The following INO80D variants were observed in gnomAD, a reference collection of about 807,000 sequenced individuals.
INO80D encodes INO80 complex subunit D.
In INO80D, 21 loss-of-function variants were observed where a neutral mutation model predicts 87.6. The observed-to-expected ratio is 0.24, with a 90% CI of 0.17 to 0.35. The LOEUF (loss-of-function observed/expected upper bound fraction) is 0.35, where lower values mean the gene tolerates loss of function less well. Ranked by LOEUF, INO80D falls within the 10% of genes least tolerant of loss-of-function variation. INO80D has a pLI of 1.00. For missense variants in INO80D, 982 were observed against 1,280.7 expected, an observed-to-expected ratio of 0.77 and a Z score of 3.56; for synonymous variants, 440 against 491.0, an observed-to-expected ratio of 0.90 and a Z score of 1.37.
chr2:206,007,279 T>G lies in INO80D; in HGVS notation c.1918+5A>C. On this transcript the variant is annotated splice_donor_5th_base_variant and intron_variant, in intron 10 of 10. Coordinates refer to ENST00000403263, the MANE Select transcript of INO80D (RefSeq NM_017759.5). ...AGTTTCCTTGAGTCAAAATATTGACTATACCTTCAAAAAAATCAAAATCTT... is the reference window on the plus strand; with the variant it reads ...AGTTTCCTTGAGTCAAAATATTGACGATACCTTCAAAAAAATCAAAATCTT... 6.2e-7 allele frequency: 1 copy of G among 1,612,394 alleles called. No individual in the cohort carries two copies. Among genetic ancestry groups the G allele is most frequent in the Non-Finnish European group, 8.5e-7 (1 of 1,179,370 alleles).
chr2:206,013,500 C>G (rs941860404), intron 8 of INO80D, among the ~76,000 whole-genome samples: 1 of 147,504 alleles, frequency 6.8e-6, no homozygotes. Context: ...TGCAGTGAGC[C>G]GAGATCTCAC....
chr2:206,076,272 A>C lies in INO80D; in HGVS notation c.-124+9629T>G, dbSNP rs1170535975. Among the ~76,000 whole-genome samples the C allele has an allele frequency of 2.6e-5, 4 of 152,370 alleles. No individual in the cohort carries two copies. In the East Asian group the frequency reaches 7.7e-4, roughly 29 times the overall value. On this transcript the variant is annotated intron_variant, in intron 1 of 10. Transcript: ENST00000403263. Reference sequence around the variant, plus strand: ...TTTTCCAATATACTTAATGCAAATGAAAAGAATATTTACTTATCCCAGAAA... The same window carrying C: ...TTTTCCAATATACTTAATGCAAATGCAAAGAATATTTACTTATCCCAGAAA...
chr2:206,036,561 C>T (rs933934033), intron 5 of INO80D, among the ~76,000 whole-genome samples: 1 of 152,054 alleles, frequency 6.6e-6, no homozygotes, highest in African/African-American at 2.4e-5. Context: ...GCAAGATACA[C>T]TGGACTTTGG....
chr2:206,047,225 CT>C (rs1278841159), intron 4 of INO80D, among the ~76,000 whole-genome samples: 3 of 150,666 alleles, frequency 2.0e-5, no homozygotes, highest in Non-Finnish European at 4.4e-5. Context: ...AATTTCTTTT[CT>C]TTTTTTTTGA....
At chr2:206,053,109 A>G (rs1057223624) in intron 4 of INO80D, among the ~76,000 whole-genome samples, 1 of 152,174 alleles carries the variant, frequency 6.6e-6, no homozygotes, top group Non-Finnish European at 1.5e-5. Context: ...GGCAACATAT[A>G]TCAAAACTTT....
chr2:206,082,660 G>T (rs1006748063), intron 1 of INO80D, among the ~76,000 whole-genome samples: 3 of 152,168 alleles, frequency 2.0e-5, no homozygotes, highest in African/African-American at 4.8e-5. Context: ...TACCAGGTGT[G>T]GGGGAGGGGG....
intron 4 of INO80D, among the ~76,000 whole-genome samples, chr2:206,053,787 T>C (rs1422879938): frequency 6.6e-6 from 1 of 152,214 alleles, no homozygotes; most frequent in Admixed American, 6.5e-5. Context: ...ACCTCTTGAT[T>C]TCTTTTTTCC....
Position 206,060,024 on chromosome 2 carries a change from T to C in INO80D, c.218+2775A>G, listed in dbSNP as rs1488784455. Among the ~76,000 whole-genome samples, 4 of 152,052 alleles carry C rather than the reference T, an allele frequency of 2.6e-5. No homozygotes were observed. In the East Asian group the frequency reaches 7.7e-4, roughly 29 times the overall value. On this transcript the variant is annotated intron_variant, in intron 3 of 10. Coordinates refer to ENST00000403263, the MANE Select transcript of INO80D (RefSeq NM_017759.5). ...TTCGAAACAAGCCTGGGCAACCTAG[T>C]AAGGATCCATCTCCACAAAAAGTTT...
intron 1 of INO80D, among the ~76,000 whole-genome samples, chr2:206,080,136 C>T (rs111819317): frequency 9.8e-5 from 15 of 152,304 alleles, no homozygotes; most frequent in African/African-American, 3.4e-4. Context: ...GGGCAGAGAA[C>T]GTGTCTCTAT....
intron 5 of INO80D, among the ~76,000 whole-genome samples, chr2:206,041,749 G>T (rs555508328): frequency 6.6e-6 from 1 of 152,252 alleles, no homozygotes; most frequent in South Asian, 2.1e-4. Context: ...TGTGATCACA[G>T]AATTAAACTA....
chr2:205,994,317 C>T lies in INO80D; in HGVS notation c.*10051G>A, dbSNP rs1687768394. The T allele has an allele frequency of 6.6e-6, 1 of 152,208 alleles. No individual in the cohort carries two copies. 9.4% of individuals were successfully genotyped at this position (152,208 alleles called of 1,614,324 possible). A position where few individuals can be genotyped will look rare whatever the true frequency, so the allele number is the denominator to read the frequency against. On this transcript the variant is annotated 3_prime_UTR_variant, in exon 11 of 11. Transcript: ENST00000403263. ...TTTAATGCATGGCCTGTTAAACATACTTGGGTGCCAAGGTGAATGAGAACA... is the reference window on the plus strand; with the variant it reads ...TTTAATGCATGGCCTGTTAAACATATTTGGGTGCCAAGGTGAATGAGAACA...
At chr2:206,008,496 G>A (rs374025073) in intron 9 of INO80D, among the ~76,000 whole-genome samples, 1 of 150,698 alleles carries the variant, frequency 6.6e-6, no homozygotes, top group Non-Finnish European at 1.5e-5. Context: ...GGCCAGGCTG[G>A]TCTCGAACTC....
At chr2:206,051,900 G>C (rs1038948927) in intron 4 of INO80D, among the ~76,000 whole-genome samples, 1 of 152,168 alleles carries the variant, frequency 6.6e-6, no homozygotes, top group Non-Finnish European at 1.5e-5. Flanking sequence ...AAAACTACAG[G>C]CTCCTTAATT....
chr2:206,060,543 A>C (rs1689659511), intron 3 of INO80D, among the ~76,000 whole-genome samples: 1 of 150,520 alleles, frequency 6.6e-6, no homozygotes, highest in South Asian at 2.1e-4. Flanking sequence ...AAAAAAAAAA[A>C]ACAACAACAA....
At chr2:206,058,185 C>A (rs1689580096) in intron 3 of INO80D, among the ~76,000 whole-genome samples, 1 of 152,076 alleles carries the variant, frequency 6.6e-6, no homozygotes, top group African/African-American at 2.4e-5. Flanking sequence ...CTTTGGGAGG[C>A]TGAGGCGGCG....
intron 1 of INO80D, among the ~76,000 whole-genome samples, chr2:206,083,674 C>A (rs142697960): frequency 6.6e-6 from 1 of 152,048 alleles, no homozygotes; most frequent in South Asian, 2.1e-4. Flanking sequence ...AGTCTCATTT[C>A]GAAGCCTCAC....
In INO80D at chr2:206,056,622, G is replaced by C. The variant is rs1468680319; in HGVS notation, c.540C>G (p.Arg180=). ...CTTTTAAAATCTCTGTCTCTCTCTG[G>C]CGCTGCCGATTCTGGGCCAACTTGC... The part of the protein sequence containing the change: ...LQSKLAQNRQ[R]QRETEILKVR... Residue 180 remains arginine (R), a synonymous_variant, in exon 4 of 11, where the codon CGC becomes CGG. Transcript: ENST00000403263. 5 of 1,610,776 alleles carry C rather than the reference G, an allele frequency of 3.1e-6. No individual in the cohort carries two copies. Among genetic ancestry groups the C allele is most frequent in the Non-Finnish European group, 4.2e-6 (5 of 1,178,400 alleles).
intron 8 of INO80D, among the ~76,000 whole-genome samples, chr2:206,011,488 G>A (rs1688173543): frequency 6.6e-6 from 1 of 152,100 alleles, no homozygotes; most frequent in Admixed American, 6.5e-5. Context: ...CTTTCCTAAT[G>A]CCAGCTGTTC....
chr2:206,070,118 T>G (rs1369946097), intron 1 of INO80D, among the ~76,000 whole-genome samples: 1 of 150,250 alleles, frequency 6.7e-6, no homozygotes, highest in Admixed American at 6.6e-5. Flanking sequence ...CTACAAAGAA[T>G]ACAAAAATTA....
Sources: allele counts gnomAD v4.1 joint callset (sites outside exome capture counted in the v4.1 genomes callset), GRCh38; gene constraint gnomAD v4.1.1; transcripts MANE v1.5; gene names NCBI Gene and HGNC (gene_info 2026-07-23, HGNC 2026-07-21).